C22orf23: variants seen among roughly 807,000 people sequenced by gnomAD.
The protein encoded by C22orf23 is chromosome 22 open reading frame 23.
C22orf23 carries 30 observed loss-of-function variants against 29.7 expected under a neutral mutation model. The observed-to-expected ratio is 1.01, with a 90% CI of 0.76 to 1.37. The LOEUF is 1.37. Among genes scored for constraint, C22orf23 ranks in the 40% most tolerant of loss-of-function variants. The pLI is 0.00. For missense variants in C22orf23, 237 were observed against 273.1 expected (o/e 0.87, Z 0.93); for synonymous variants, 90 against 96.1 (o/e 0.94, Z 0.37).
rs766008484 is a variant in C22orf23 at position 37,944,502 on chromosome 22, T to G, written c.497A>C (p.Gln166Pro). 6.2e-7 allele frequency: 1 copy of G among 1,611,254 alleles called. No homozygotes were observed. Among genetic ancestry groups the G allele is most frequent in the South Asian group, 1.1e-5 (1 of 91,072 alleles). The change falls in exon 6 of 7, where the codon CAG becomes CCG. Residue 166 changes from glutamine to proline, a missense_variant. Transcript: ENST00000403305. ...DRFEELVKEI[Q>P]ERKEFLADME... ...GTCAGCCAGGAATTCTTTCCTCTCC[T>G]GGATTTCCTTCACCACTGGACAGAG...
intron 3 of C22orf23, among the ~76,000 whole-genome samples, chr22:37,950,387 C>T (rs1480607137): frequency 1.3e-5 from 2 of 152,032 alleles, no homozygotes; most frequent in Non-Finnish European, 2.9e-5. Context: ...GCTGGGATTA[C>T]AGGTGTGAGC....
intron 5 of C22orf23, 69 bp from the exon 6 acceptor site, chr22:37,944,586 AG>A: frequency 7.4e-7 from 1 of 1,346,128 alleles, no homozygotes; most frequent in Non-Finnish European, 1.1e-6. Flanking sequence ...TCTTGAGGAG[AG>A]GAAGTGGTTC....
intron 5 of C22orf23, 77 bp from the exon 6 acceptor site, chr22:37,944,594 G>T: frequency 1.6e-6 from 2 of 1,283,840 alleles, no homozygotes; most frequent in Non-Finnish European, 2.2e-6. Flanking sequence ...AGAGGAAGTG[G>T]TTCTATTGTC....
rs1252553927 is a variant in C22orf23, at chr22:37,944,137, G to A, written c.*38C>T. On this transcript the variant is annotated 3_prime_UTR_variant, in exon 7 of 7. Coordinates refer to ENST00000403305, the MANE Select transcript of C22orf23 (RefSeq NM_032561.5). ...CCTGGCAGAGGAGTGGACTCCAGTGGTCGAGCTTGGGCTACCCTGCCCGTC... is the reference window on the plus strand; with the variant it reads ...CCTGGCAGAGGAGTGGACTCCAGTGATCGAGCTTGGGCTACCCTGCCCGTC... 1.3e-6 allele frequency: 2 copies of A among 1,588,112 alleles called. No individual in the cohort carries two copies. Among genetic ancestry groups the A allele is most frequent in the Non-Finnish European group, 1.7e-6 (2 of 1,156,308 alleles).
chr22:37,943,938 G>T lies in C22orf23; in HGVS notation c.*237C>A. ...ACCTTTAGACACATGTCCTAGTAGG[G>T]ATGCTCGGGCTTTGCTTCTCTGCGG... On this transcript the variant is annotated 3_prime_UTR_variant, in exon 7 of 7. Coordinates refer to ENST00000403305, the MANE Select transcript of C22orf23 (RefSeq NM_032561.5). 2 of 591,196 alleles carry T rather than the reference G, an allele frequency of 3.4e-6. No individual in the cohort carries two copies. Among genetic ancestry groups the T allele is most frequent in the Non-Finnish European group, 6.0e-6 (2 of 330,594 alleles). 36.6% of individuals were successfully genotyped at this position (591,196 alleles called of 1,614,324 possible).
At chr22:37,948,013 C>T (rs529785245) in intron 3 of C22orf23, among the ~76,000 whole-genome samples, 62 of 151,224 alleles carry the variant, frequency 4.1e-4, no homozygotes, top group Non-Finnish European at 7.2e-4. Flanking sequence ...AGGCTGAGGC[C>T]GGAGAATGGC....
At position 37,953,582 on chromosome 22, in the gene C22orf23, C is replaced by T; in HGVS notation, c.-144G>A. 1.6e-6 allele frequency: 1 copy of T among 608,150 alleles called. No individual in the cohort carries two copies. The highest frequency in any genetic ancestry group is 2.8e-6 in the Non-Finnish European group (1 of 357,900). 37.7% of individuals were successfully genotyped at this position (608,150 alleles called of 1,614,324 possible). A position where few individuals can be genotyped will look rare whatever the true frequency, so the allele number is the denominator to read the frequency against. ...CGATCTGGGCTGCTGGAGCTGGCAGCTAGCGCCTCTCGCTACTATAGAAAC... is the reference window on the plus strand; with the variant it reads ...CGATCTGGGCTGCTGGAGCTGGCAGTTAGCGCCTCTCGCTACTATAGAAAC... On this transcript the variant is annotated 5_prime_UTR_variant, in exon 1 of 7. Transcript: ENST00000403305.
chr22:37,953,490 G>T lies in C22orf23; in HGVS notation c.-52C>A, dbSNP rs1337876338. 4 of 543,436 alleles carry T rather than the reference G, an allele frequency of 7.4e-6. No homozygotes were observed. Among genetic ancestry groups the T allele is most frequent in the African/African-American group, 5.8e-5 (3 of 51,450 alleles). The allele number at this position is 543,436 out of a possible 1,614,324, so 33.7% of individuals were successfully genotyped here. A position where few individuals can be genotyped will look rare whatever the true frequency, so the allele number is the denominator to read the frequency against. ...GTGCTCCCCTCTCCACATAGAAGTG[G>T]GCTCCCGGAGGCGGTGACCACTGCT... On this transcript the variant is annotated 5_prime_UTR_variant, in exon 1 of 7. Transcript: ENST00000403305.
At chr22:37,945,347 A>G (rs1017632854) in intron 4 of C22orf23, among the ~76,000 whole-genome samples, 174 bp from the exon 5 acceptor site, 1 of 152,138 alleles carries the variant, frequency 6.6e-6, no homozygotes, top group African/African-American at 2.4e-5. Context: ...CAAGAGAGGC[A>G]GGAAGAGGTG....
chr22:37,951,770 C>A (rs1601854444), intron 2 of C22orf23: 2 of 254,684 alleles, frequency 7.9e-6, no homozygotes, highest in East Asian at 1.5e-4. Flanking sequence ...AATTTCTGCC[C>A]TCTGTTAAAT....
At chr22:37,947,150 A>C in intron 4 of C22orf23, 131 bp downstream of exon 4, 1 of 919,716 alleles carries the variant, frequency 1.1e-6, no homozygotes, top group Non-Finnish European at 1.7e-6. Context: ...CTGAGGCTCA[A>C]GAGCATTGGT....
At chr22:37,947,214 T>G in intron 4 of C22orf23, 67 bp downstream of exon 4, 2 of 1,559,676 alleles carry the variant, frequency 1.3e-6, no homozygotes, top group South Asian at 2.2e-5. Flanking sequence ...TGTGGGCTGC[T>G]TGCGTCCCTC....
At chr22:37,944,754 C>A in intron 5 of C22orf23, 1 of 564,416 alleles carries the variant, frequency 1.8e-6, no homozygotes, top group Non-Finnish European at 3.1e-6. Context: ...CAAAAATTAG[C>A]CAGGCATGGT....
Position 37,953,531 on chromosome 22 carries a change from C to G in C22orf23, c.-93G>C. On this transcript the variant is annotated 5_prime_UTR_variant, in exon 1 of 7. Coordinates refer to ENST00000403305, the MANE Select transcript of C22orf23 (RefSeq NM_032561.5). ...GACCACTGCTTTACAGCCGCATCCG[C>G]ACCGGTGCCACGCAGAAATACTGCG... 1 of 570,074 alleles carries G rather than the reference C, an allele frequency of 1.8e-6. No individual in the cohort carries two copies. Among genetic ancestry groups the G allele is most frequent in the Admixed American group, 3.4e-5 (1 of 29,576 alleles). The allele number at this position is 570,074 out of a possible 1,614,324, so 35.3% of individuals were successfully genotyped here.
intron 2 of C22orf23, chr22:37,952,524 C>T (rs1274915098): frequency 6.6e-6 from 1 of 151,114 alleles, no homozygotes; most frequent in Non-Finnish European, 1.5e-5. Context: ...CACCTTGAAC[C>T]TTCCCCTCCC....
intron 3 of C22orf23, chr22:37,951,205 C>CT (rs1342191441): frequency 3.3e-5 from 12 of 359,840 alleles, no homozygotes; most frequent in Admixed American, 1.7e-4. Context: ...GAGTGAGACT[C>CT]TGTCTCAAAA....
chr22:37,950,437 T>A (rs977059291), intron 3 of C22orf23, among the ~76,000 whole-genome samples: 6 of 151,914 alleles, frequency 3.9e-5, no homozygotes, highest in Non-Finnish European at 8.8e-5. Flanking sequence ...TTAATTTAAT[T>A]TTATTTTATT....
intron 4 of C22orf23, 45 bp from the exon 5 acceptor site, chr22:37,945,218 C>T (rs202058137): frequency 1.9e-6 from 3 of 1,583,742 alleles, no homozygotes; most frequent in Non-Finnish European, 2.6e-6. Context: ...GTAAAGGGTG[C>T]CCTTATTCAT....
intron 4 of C22orf23, among the ~76,000 whole-genome samples, chr22:37,946,853 A>C (rs2145695751): frequency 6.6e-6 from 1 of 150,386 alleles, no homozygotes; most frequent in Non-Finnish European, 1.5e-5. Context: ...CAACCTGGGC[A>C]CAGAGTAAGG....
Sources: allele counts gnomAD v4.1 joint callset (sites outside exome capture counted in the v4.1 genomes callset), GRCh38; gene constraint gnomAD v4.1.1; transcripts MANE v1.5; gene names NCBI Gene and HGNC (gene_info 2026-07-23, HGNC 2026-07-21).